ULK4: variants seen among roughly 807,000 people sequenced by gnomAD.
ULK4 encodes the protein inactive serine/threonine-protein kinase ULK4.
In ULK4, 133 loss-of-function variants were observed where a neutral mutation model predicts 160.6. That is an observed-to-expected ratio of 0.83 (90% CI 0.72 to 0.96). ULK4 has a LOEUF of 0.96. ULK4 is among the 40% of genes least tolerant of loss of function. The pLI is 0.00. For missense variants in ULK4, 1,580 were observed against 1,499.5 expected (o/e 1.05, Z -0.89); for synonymous variants, 534 against 539.8 (o/e 0.99, Z 0.15).
intron 12 of ULK4, among the ~76,000 whole-genome samples, chr3:41,903,171 T>C (rs1450221655): frequency 2.0e-5 from 3 of 152,222 alleles, no homozygotes; most frequent in Non-Finnish European, 4.4e-5. Flanking sequence ...GTAAATTATA[T>C]TGGTCCGTAA....
chr3:41,789,085 C>T (rs2125591435), intron 21 of ULK4, among the ~76,000 whole-genome samples: 1 of 152,200 alleles, frequency 6.6e-6, no homozygotes, highest in Non-Finnish European at 1.5e-5. Flanking sequence ...TAACAAGGGA[C>T]TAGAGAAGAC....
intron 31 of ULK4, among the ~76,000 whole-genome samples, chr3:41,576,185 A>T (rs532570574): frequency 4.8e-4 from 73 of 152,360 alleles, no homozygotes; most frequent in African/African-American, 1.6e-3. Context: ...AAAAGTAAAA[A>T]TAGCAATAAA....
At chr3:41,530,065 T>G (rs1332696472) in intron 32 of ULK4, among the ~76,000 whole-genome samples, 1 of 152,214 alleles carries the variant, frequency 6.6e-6, no homozygotes, top group Non-Finnish European at 1.5e-5. Context: ...TTGCACAACC[T>G]CGTGAATATA....
intron 17 of ULK4, among the ~76,000 whole-genome samples, chr3:41,882,616 A>T (rs1716995): frequency 0.87 from 132,886 of 152,226 alleles, 59,694 homozygotes; most frequent in Non-Finnish European, 0.98. Flanking sequence ...ATCCTACTTA[A>T]TACTTATTAC....
intron 19 of ULK4, among the ~76,000 whole-genome samples, chr3:41,813,622 G>C (rs867391115): frequency 2.6e-5 from 4 of 152,178 alleles, no homozygotes; most frequent in African/African-American, 9.6e-5. Flanking sequence ...CAAGGAGCAA[G>C]TAAGTTAAAT....
chr3:41,422,978 T>C (rs1458975388), intron 34 of ULK4, among the ~76,000 whole-genome samples: 3 of 152,194 alleles, frequency 2.0e-5, no homozygotes, highest in Admixed American at 6.5e-5. Flanking sequence ...ATTCATACTA[T>C]AAAATACCAT....
intron 21 of ULK4, among the ~76,000 whole-genome samples, chr3:41,761,733 TTAAAATACTCCACAAAGTA>T (rs1430518926): frequency 6.6e-6 from 1 of 152,122 alleles, no homozygotes. Context: ...TGAAAAAGTA[TTAAAATACTCCACAAAGTA>T]AAAATAATTT....
chr3:41,260,400 T>C (rs1169427618), intron 35 of ULK4, among the ~76,000 whole-genome samples: 1 of 152,268 alleles, frequency 6.6e-6, no homozygotes, highest in Non-Finnish European at 1.5e-5. Context: ...CATCCTGCTC[T>C]GCATCCAGGC....
chr3:41,531,720 T>G (rs2086326982), intron 32 of ULK4, among the ~76,000 whole-genome samples: 1 of 152,146 alleles, frequency 6.6e-6, no homozygotes. Context: ...TTTAAGTAGT[T>G]TCAAAGAGGA....
At chr3:41,491,521 TG>T (rs1320821734) in intron 32 of ULK4, among the ~76,000 whole-genome samples, 1 of 152,014 alleles carries the variant, frequency 6.6e-6, no homozygotes, top group Non-Finnish European at 1.5e-5. Context: ...TACAAAAATA[TG>T]GCATTTCAGA....
intron 35 of ULK4, among the ~76,000 whole-genome samples, chr3:41,361,011 C>A (rs2081131718): frequency 1.3e-5 from 2 of 151,922 alleles, no homozygotes; most frequent in African/African-American, 2.4e-5. Flanking sequence ...TGGGAAAGAC[C>A]CAGGAAGGGG....
rs1030111233 is a variant in ULK4 at position 41,545,886 on chromosome 3, C to A, written c.3226+20139G>T. Reference sequence around the variant, plus strand: ...GTTTTTAATCTGCTGAAAAGCCCAGCCAGGTAATTTTTTTGTTTTAAGTAC... The same window carrying A: ...GTTTTTAATCTGCTGAAAAGCCCAGACAGGTAATTTTTTTGTTTTAAGTAC... On this transcript the variant is annotated intron_variant, in intron 32 of 36. Transcript: ENST00000301831. Among the ~76,000 whole-genome samples, 4 of 152,060 alleles carry A rather than the reference C, an allele frequency of 2.6e-5. No individual in the cohort carries two copies. In the South Asian group the frequency reaches 6.2e-4, roughly 24 times the overall value.
intron 30 of ULK4, among the ~76,000 whole-genome samples, chr3:41,626,095 C>A (rs2125697091): frequency 6.6e-6 from 1 of 152,182 alleles, no homozygotes. Context: ...TAAAGAGTCT[C>A]CCTTACAAAG....
At chr3:41,837,596 C>T (rs969073141) in intron 17 of ULK4, among the ~76,000 whole-genome samples, 2 of 150,326 alleles carry the variant, frequency 1.3e-5, no homozygotes, top group East Asian at 3.9e-4. Flanking sequence ...CAGAGTCTCA[C>T]TCTGTCACCC....
At chr3:41,506,252 G>A (rs1659796902) in intron 32 of ULK4, among the ~76,000 whole-genome samples, 2 of 152,044 alleles carry the variant, frequency 1.3e-5, no homozygotes, top group South Asian at 2.1e-4. Context: ...AAAACCCCAA[G>A]GCCCCAGTAC....
intron 16 of ULK4, among the ~76,000 whole-genome samples, chr3:41,885,329 A>G (rs367895280): frequency 1.3e-5 from 2 of 152,218 alleles, no homozygotes; most frequent in Middle Eastern, 3.2e-3. Flanking sequence ...CACACTACCT[A>G]AAAACCTTAT....
intron 21 of ULK4, among the ~76,000 whole-genome samples, chr3:41,787,847 A>C (rs981784957): frequency 1.3e-5 from 2 of 152,322 alleles, no homozygotes; most frequent in Admixed American, 1.3e-4. Context: ...GTTATATATG[A>C]TAAATAATTA....
chr3:41,511,071 G>A (rs1305979100), intron 32 of ULK4, among the ~76,000 whole-genome samples: 4 of 151,294 alleles, frequency 2.6e-5, no homozygotes, highest in South Asian at 2.1e-4. Flanking sequence ...GCTGAGGCAG[G>A]AGAATGGCAT....
intron 22 of ULK4, among the ~76,000 whole-genome samples, chr3:41,729,978 A>T (rs1400967276): frequency 6.6e-6 from 1 of 152,228 alleles, no homozygotes; most frequent in Non-Finnish European, 1.5e-5. Context: ...AATAAAACTA[A>T]AAATCAGTAA....
Sources: gnomAD v4.1 joint callset for allele counts (sites outside exome capture counted in the v4.1 genomes callset) on GRCh38, gnomAD v4.1.1 for gene constraint, MANE v1.5 for transcripts, NCBI Gene and HGNC (gene_info 2026-07-23, HGNC 2026-07-21) for gene names.